Variants in CNTN6 observed in about 807,000 individuals in gnomAD.
The protein encoded by CNTN6 is contactin-6.
Under a neutral mutation model 122.8 loss-of-function variants are expected in CNTN6, and 137 were observed. The ratio of observed to expected loss-of-function variants is 1.12; its 90% confidence interval spans 0.97 to 1.29. The LOEUF is 1.29. CNTN6 is among the 50% of genes most tolerant of loss of function. The pLI is 0.00. For missense variants in CNTN6, 1,634 were observed against 1,223.4 expected (o/e 1.34, Z -5.01); for synonymous variants, 570 against 426.0 (o/e 1.34, Z -4.16).
chr3:1,161,833 G>A (rs2093141374), intron 2 of CNTN6, among the ~76,000 whole-genome samples: 1 of 151,592 alleles, frequency 6.6e-6, no homozygotes, highest in African/African-American at 2.4e-5. Context: ...ATGTATATGT[G>A]TGTAGATATA....
chr3:1,204,453 A>G (rs1403987462), intron 2 of CNTN6, among the ~76,000 whole-genome samples: 1 of 152,216 alleles, frequency 6.6e-6, no homozygotes, highest in Non-Finnish European at 1.5e-5. Context: ...CTCAGCGTCA[A>G]TGTACAAATA....
intron 11 of CNTN6, among the ~76,000 whole-genome samples, chr3:1,331,502 T>C (rs1365830824): frequency 6.6e-6 from 1 of 151,990 alleles, no homozygotes; most frequent in East Asian, 1.9e-4. Context: ...GGGTCTCTTC[T>C]TCTGTGTGCA....
chr3:1,140,704 A>G (rs2092588613), intron 1 of CNTN6, among the ~76,000 whole-genome samples: 1 of 152,120 alleles, frequency 6.6e-6, no homozygotes, highest in Admixed American at 6.6e-5. Flanking sequence ...GGTTTCTCTG[A>G]TTAAAAAAAA....
intron 11 of CNTN6, among the ~76,000 whole-genome samples, chr3:1,336,242 A>C (rs1008929172): frequency 6.6e-6 from 1 of 152,130 alleles, no homozygotes; most frequent in Non-Finnish European, 1.5e-5. Context: ...AACCACTTTA[A>C]GCACCTTCTA....
chr3:1,130,083 A>C (rs935162732), intron 1 of CNTN6, among the ~76,000 whole-genome samples: 3 of 152,060 alleles, frequency 2.0e-5, no homozygotes, highest in Non-Finnish European at 2.9e-5. Context: ...CTACTTAATG[A>C]AAAAGCCGAT....
intron 2 of CNTN6, among the ~76,000 whole-genome samples, chr3:1,172,270 G>T (rs971242863): frequency 1.3e-5 from 2 of 152,086 alleles, no homozygotes; most frequent in African/African-American, 4.8e-5. Context: ...AAAATAGCAG[G>T]ATTATATTGC....
At chr3:1,276,709 C>T (rs1372787047) in intron 4 of CNTN6, among the ~76,000 whole-genome samples, 1 of 152,146 alleles carries the variant, frequency 6.6e-6, no homozygotes, top group Non-Finnish European at 1.5e-5. Context: ...CAGATCAGTG[C>T]TCTCTTCTTA....
At chr3:1,169,669 T>C (rs541408447) in intron 2 of CNTN6, among the ~76,000 whole-genome samples, 1 of 152,346 alleles carries the variant, frequency 6.6e-6, no homozygotes, top group South Asian at 2.1e-4. Flanking sequence ...GGATTTATAC[T>C]ATTTTTAAAA....
chr3:1,218,374 A>T (rs2094157457), intron 2 of CNTN6, among the ~76,000 whole-genome samples: 1 of 152,114 alleles, frequency 6.6e-6, no homozygotes, highest in African/African-American at 2.4e-5. Flanking sequence ...CTATCCATGT[A>T]GGAATATGTC....
At chr3:1,295,199 A>G (rs1310076979) in intron 5 of CNTN6, among the ~76,000 whole-genome samples, 1 of 152,240 alleles carries the variant, frequency 6.6e-6, no homozygotes, top group Non-Finnish European at 1.5e-5. Context: ...ACCTGTAAGT[A>G]TGTTTAATTC....
At chr3:1,191,415 C>T (rs73816814) in intron 2 of CNTN6, among the ~76,000 whole-genome samples, 11,959 of 152,096 alleles carry the variant, frequency 0.079, 1,248 homozygotes, top group East Asian at 0.43. Context: ...GCCTCAACAC[C>T]AGTCCCTAGC....
chr3:1,124,869 A>T (rs10446411), intron 1 of CNTN6, among the ~76,000 whole-genome samples: 3 of 151,686 alleles, frequency 2.0e-5, no homozygotes, highest in Non-Finnish European at 4.4e-5. Context: ...CCCATGCCAT[A>T]GCACTTATCA....
At chr3:1,345,630 C>T (rs767381201) in intron 11 of CNTN6, among the ~76,000 whole-genome samples, 3 of 152,044 alleles carry the variant, frequency 2.0e-5, no homozygotes, top group Non-Finnish European at 2.9e-5. Flanking sequence ...GTGCAAAAAT[C>T]ATTAAAATGC....
At chr3:1,345,119 C>CTT (rs34433982) in intron 11 of CNTN6, among the ~76,000 whole-genome samples, 68 of 143,352 alleles carry the variant, frequency 4.7e-4, no homozygotes, top group Middle Eastern at 7.3e-3. Context: ...TGTACAATTA[C>CTT]TTTTTTTTTT....
At chr3:1,264,850 T>G (rs73109297) in intron 4 of CNTN6, among the ~76,000 whole-genome samples, 4,442 of 152,172 alleles carry the variant, frequency 0.029, 229 homozygotes, top group African/African-American at 0.1. Flanking sequence ...TTGACTAACA[T>G]TTCCCCATTT....
At position 1,382,963 on chromosome 3, in the gene CNTN6, A is replaced by C. The variant is rs1410903705; in HGVS notation, c.2188A>C (p.Asn730His). Reference sequence around the variant, plus strand: ...CAAGTCAATTCCAGAAGAACTGCAGAATGGGGAGGGATTTGGATATATCAT... The same window carrying C: ...CAAGTCAATTCCAGAAGAACTGCAGCATGGGGAGGGATTTGGATATATCAT... ...TWESIPEELQ[N>H]GEGFGYIIMF... The change falls in exon 18 of 23, where the codon AAT becomes CAT. Residue 730 changes from asparagine (N) to histidine (H), a missense_variant. Coordinates refer to ENST00000446702, the MANE Select transcript of CNTN6 (RefSeq NM_001289080.2). The C allele has an allele frequency of 6.2e-7, 1 of 1,613,896 alleles. No homozygotes were observed. The highest frequency in any genetic ancestry group is 1.1e-5 in the South Asian group (1 of 91,062).
intron 3 of CNTN6, among the ~76,000 whole-genome samples, chr3:1,222,902 T>A (rs1007578211): frequency 6.6e-6 from 1 of 152,092 alleles, no homozygotes. Flanking sequence ...CCCTTACTCA[T>A]AGACAAGAAA....
In CNTN6 at chr3:1,098,789, C is replaced by CACAT. The variant is rs1211008614; in HGVS notation, c.-83+5670_-83+5671insCATA. Among the ~76,000 whole-genome samples, 230 of 63,216 alleles carry CACAT rather than the reference C, an allele frequency of 3.6e-3. 3 individuals are homozygous for CACAT. The highest frequency in any genetic ancestry group is 9.2e-3 in the East Asian group (14 of 1,530). The allele number at this position is 63,216 out of a possible 152,430, so 41.5% of individuals were successfully genotyped here. On this transcript the variant is annotated intron_variant, in intron 1 of 22. Coordinates refer to ENST00000446702, the MANE Select transcript of CNTN6 (RefSeq NM_001289080.2). ...ACACACACACACACACACACACACA[C>CACAT]ATATATATATATATATATATATATA...
chr3:1,385,561 GATAGTT>G (rs1692752551), intron 19 of CNTN6, 44 bp from the exon 20 acceptor site: 2 of 1,427,892 alleles, frequency 1.4e-6, no homozygotes, highest in African/African-American at 2.9e-5. Flanking sequence ...AAAAATGATT[GATAGTT>G]ATTGGGGAAC....
Sources: gnomAD v4.1 joint callset for allele counts (sites outside exome capture counted in the v4.1 genomes callset) on GRCh38, gnomAD v4.1.1 for gene constraint, MANE v1.5 for transcripts, NCBI Gene and HGNC (gene_info 2026-07-23, HGNC 2026-07-21) for gene names.